Variants in CDH13 observed in about 807,000 individuals in gnomAD.
CDH13 encodes the protein cadherin 13.
A neutral mutation model predicts 63.8 loss-of-function variants in CDH13; 24 were observed. The ratio of observed to expected loss-of-function variants is 0.38; its 90% CI spans 0.27 to 0.53. The LOEUF is 0.53. Ranked by LOEUF, CDH13 falls within the 20% of genes least tolerant of loss-of-function variation. CDH13 has a pLI of 0.85. For synonymous variants in CDH13, 503 were observed against 355.3 expected, an observed-to-expected ratio of 1.42 and a Z score of -4.67; for missense variants, 1,049 against 903.1, an observed-to-expected ratio of 1.16 and a Z score of -2.07.
intron 8 of CDH13, among the ~76,000 whole-genome samples, chr16:83,622,100 C>G (rs1334086395): frequency 6.6e-6 from 1 of 152,164 alleles, no homozygotes; most frequent in East Asian, 1.9e-4. Context: ...TTATCAAGTG[C>G]TTATCTGTGT....
intron 2 of CDH13, among the ~76,000 whole-genome samples, chr16:82,881,204 T>G (rs1260851360): frequency 1.3e-5 from 2 of 152,194 alleles, no homozygotes; most frequent in Non-Finnish European, 2.9e-5. Flanking sequence ...GTGTAGAGGC[T>G]TCCGTTCGTG....
At chr16:83,008,820 C>T (rs1381329850) in intron 2 of CDH13, among the ~76,000 whole-genome samples, 1 of 152,130 alleles carries the variant, frequency 6.6e-6, no homozygotes, top group Non-Finnish European at 1.5e-5. Flanking sequence ...TAAAGACATG[C>T]CCAAGACTGA....
chr16:82,636,050 C>T (rs1908616110), intron 1 of CDH13, among the ~76,000 whole-genome samples: 1 of 152,126 alleles, frequency 6.6e-6, no homozygotes, highest in South Asian at 2.1e-4. Flanking sequence ...ATAAATTACC[C>T]AGTCCCAGGC....
At chr16:83,180,879 A>C in intron 4 of CDH13, 1 of 1,528,928 alleles carries the variant, frequency 6.5e-7, no homozygotes, top group Non-Finnish European at 8.8e-7. Flanking sequence ...GAGAACCCAC[A>C]ATCCTATTAA....
At chr16:82,901,450 G>T (rs1383323198) in intron 2 of CDH13, among the ~76,000 whole-genome samples, 3 of 151,652 alleles carry the variant, frequency 2.0e-5, no homozygotes, top group African/African-American at 7.3e-5. Flanking sequence ...ACCTGACAAA[G>T]ATGGTGGGCT....
At chr16:83,528,041 G>C (rs1392721748) in intron 7 of CDH13, among the ~76,000 whole-genome samples, 1 of 152,162 alleles carries the variant, frequency 6.6e-6, no homozygotes, top group Non-Finnish European at 1.5e-5. Context: ...AGTTCCCACA[G>C]AGCTGATAAT....
intron 4 of CDH13, among the ~76,000 whole-genome samples, chr16:83,215,349 G>T (rs964630305): frequency 6.6e-6 from 1 of 151,842 alleles, no homozygotes; most frequent in South Asian, 2.1e-4. Context: ...AAAGTGCTGG[G>T]ATTACAGGCA....
intron 1 of CDH13, among the ~76,000 whole-genome samples, chr16:82,783,018 C>A (rs777829745): frequency 6.6e-5 from 10 of 152,172 alleles, no homozygotes; most frequent in Non-Finnish European, 1.0e-4. Context: ...TGCCTGGGAC[C>A]CACAGCGTCT....
chr16:82,844,898 G>T (rs1253890155), intron 1 of CDH13: 1 of 151,698 alleles, frequency 6.6e-6, no homozygotes, highest in East Asian at 2.0e-4. Context: ...TTTGTGATCC[G>T]CCTGCCTCAG....
intron 6 of CDH13, among the ~76,000 whole-genome samples, chr16:83,481,183 C>T (rs1259861343): frequency 6.6e-6 from 1 of 152,208 alleles, no homozygotes; most frequent in South Asian, 2.1e-4. Flanking sequence ...CTGGAAAGCA[C>T]ACTGTTGCCC....
At chr16:83,425,693 C>G (rs1481120246) in intron 6 of CDH13, among the ~76,000 whole-genome samples, 2 of 152,222 alleles carry the variant, frequency 1.3e-5, no homozygotes, top group East Asian at 1.9e-4. Context: ...AGAAACTTGA[C>G]TCTTTCTTCA....
chr16:83,332,287 C>G lies in CDH13; in HGVS notation c.637-12575C>G, dbSNP rs111563976. 2.4e-4 allele frequency among the ~76,000 whole-genome samples: 37 copies of G among 152,080 alleles called. 1 individual carries two copies. Among genetic ancestry groups the G allele is most frequent in the African/African-American group, 8.9e-4 (37 of 41,496 alleles). On this transcript the variant is annotated intron_variant, in intron 5 of 13. Coordinates refer to ENST00000567109, the MANE Select transcript of CDH13 (RefSeq NM_001257.5). ...GAGCTCTAATGGTGGCTTAGAAGGG[C>G]CTTCTCCCCTGTATTACTTAAATAT...
intron 5 of CDH13, among the ~76,000 whole-genome samples, chr16:83,250,761 C>A (rs536599963): frequency 5.9e-5 from 9 of 152,298 alleles, no homozygotes; most frequent in Admixed American, 2.6e-4. Context: ...ATTCTAAGTG[C>A]ACATAGGAAG....
intron 4 of CDH13, among the ~76,000 whole-genome samples, chr16:83,167,351 G>C (rs904980082): frequency 6.6e-6 from 1 of 151,804 alleles, no homozygotes; most frequent in African/African-American, 2.4e-5. Context: ...ACAAAAATTA[G>C]CTGGGCATGC....
At chr16:83,384,389 C>T (rs1256442876) in intron 6 of CDH13, among the ~76,000 whole-genome samples, 3 of 152,164 alleles carry the variant, frequency 2.0e-5, no homozygotes, top group East Asian at 3.9e-4. Context: ...TCCCCCAGGC[C>T]AGTGAAAGAA....
intron 2 of CDH13, among the ~76,000 whole-genome samples, chr16:82,988,761 CAAAA>C (rs34153442): frequency 1.0e-5 from 1 of 99,140 alleles, no homozygotes; most frequent in Non-Finnish European, 2.1e-5. Flanking sequence ...AACTCCAACT[CAAAA>C]AAAAAAAAAA....
At chr16:83,113,440 A>G (rs1345808809) in intron 3 of CDH13, among the ~76,000 whole-genome samples, 1 of 152,258 alleles carries the variant, frequency 6.6e-6, no homozygotes, top group East Asian at 1.9e-4. Flanking sequence ...TTATTTAGTA[A>G]TATTTTAAGT....
At chr16:83,530,567 C>G (rs1018129095) in intron 7 of CDH13, among the ~76,000 whole-genome samples, 1 of 152,170 alleles carries the variant, frequency 6.6e-6, no homozygotes, top group Non-Finnish European at 1.5e-5. Flanking sequence ...TGAGTCTACT[C>G]CTTCTATAAC....
intron 8 of CDH13, among the ~76,000 whole-genome samples, chr16:83,634,664 G>C (rs1277684359): frequency 6.6e-6 from 1 of 152,132 alleles, no homozygotes; most frequent in Non-Finnish European, 1.5e-5. Context: ...GCCTCCCAAA[G>C]TGCTGGGATT....
Sources: gnomAD v4.1 joint callset for allele counts (sites outside exome capture counted in the v4.1 genomes callset) on GRCh38, gnomAD v4.1.1 for gene constraint, MANE v1.5 for transcripts, NCBI Gene and HGNC (gene_info 2026-07-23, HGNC 2026-07-21) for gene names.